The following PCDHGA9 variants were observed in gnomAD, a reference collection of about 807,000 sequenced individuals.
The protein encoded by PCDHGA9 is protocadherin gamma subfamily A, 9.
In PCDHGA9, 37 loss-of-function variants were observed where a neutral mutation model predicts 62.5. The ratio of observed to expected loss-of-function variants is 0.59; its 90% CI spans 0.46 to 0.78. PCDHGA9 has a LOEUF of 0.78. Among genes scored for constraint, PCDHGA9 ranks in the 30% least tolerant of loss-of-function variants. The pLI is 0.00. For missense variants in PCDHGA9, 1,138 were observed against 1,166.2 expected (o/e 0.98, Z 0.35); for synonymous variants, 459 against 484.6 (o/e 0.95, Z 0.69).
intron 1 of PCDHGA9, among the ~76,000 whole-genome samples, chr5:141,444,880 G>A (rs527554886): frequency 6.6e-6 from 1 of 152,150 alleles, no homozygotes; most frequent in Non-Finnish European, 1.5e-5. Context: ...AAGCTTGTAG[G>A]ATTTTTGAAT....
intron 1 of PCDHGA9, chr5:141,409,285 T>G (rs773096828): frequency 6.2e-7 from 1 of 1,613,966 alleles, no homozygotes; most frequent in South Asian, 1.1e-5. Context: ...AGAATTCACC[T>G]CCAGGAATGG....
At chr5:141,412,204 T>G (rs2095542280) in intron 1 of PCDHGA9, 1 of 152,240 alleles carries the variant, frequency 6.6e-6, no homozygotes, top group Admixed American at 6.5e-5. Context: ...ACAGGTCATT[T>G]GACATAAACA....
chr5:141,476,098 G>A lies in PCDHGA9; in HGVS notation c.2425-18709G>A, dbSNP rs1241353656. The A allele has an allele frequency of 4.5e-6, 7 of 1,573,026 alleles. No homozygotes were observed. Among genetic ancestry groups the A allele is most frequent in the Non-Finnish European group, 6.0e-6 (7 of 1,163,102 alleles). ...AGGGACGATCTGGACCCCGCTGAGA[G>A]GAACTGCTTTTGAGTGAGATGGTCC... On this transcript the variant is annotated intron_variant, in intron 1 of 3. Transcript: ENST00000573521. This position sits in a 1 kb window ranked among gnomAD's most constrained non-coding sequence, Gnocchi z 7.6.
At chr5:141,478,396 G>GT in intron 1 of PCDHGA9, 1 of 1,613,564 alleles carries the variant, frequency 6.2e-7, no homozygotes, top group Non-Finnish European at 8.5e-7. Flanking sequence ...ACCATCAGGT[G>GT]TATCTCACCA....
intron 1 of PCDHGA9, among the ~76,000 whole-genome samples, chr5:141,435,715 A>T (rs528951395): frequency 5.9e-5 from 9 of 152,210 alleles, no homozygotes; most frequent in Non-Finnish European, 1.0e-4. Context: ...ACAGACACTG[A>T]ATGCTAAAGT....
chr5:141,423,195 G>C, intron 1 of PCDHGA9: 14 of 1,613,544 alleles, frequency 8.7e-6, no homozygotes, highest in Non-Finnish European at 1.2e-5. Flanking sequence ...CCCCTCTCTC[G>C]GCCACCGTCA....
intron 1 of PCDHGA9, among the ~76,000 whole-genome samples, chr5:141,462,868 T>C (rs1232965498): frequency 6.6e-6 from 1 of 152,228 alleles, no homozygotes; most frequent in East Asian, 1.9e-4. Context: ...TTTGTCTTTC[T>C]TTAAGAACTA....
chr5:141,429,169 T>TACGC (rs2097190400), intron 1 of PCDHGA9: 1 of 145,394 alleles, frequency 6.9e-6, no homozygotes, highest in Non-Finnish European at 1.5e-5. Flanking sequence ...ACATTGTTTA[T>TACGC]ACACACACAC....
chr5:141,410,087 G>A (rs1427716409), intron 1 of PCDHGA9: 1 of 1,612,482 alleles, frequency 6.2e-7, no homozygotes, highest in African/African-American at 1.3e-5. Flanking sequence ...GGTGCGCACG[G>A]CTCGAGCCTT....
intron 1 of PCDHGA9, chr5:141,409,291 A>G: frequency 6.2e-7 from 1 of 1,614,000 alleles, no homozygotes; most frequent in Non-Finnish European, 8.5e-7. Context: ...CACCTCCAGG[A>G]ATGGTTGTTG....
At position 141,404,183 on chromosome 5, in the gene PCDHGA9, G is replaced by A; in HGVS notation, c.1231G>A (p.Asp411Asn). The A allele has an allele frequency of 1.2e-6, 2 of 1,613,154 alleles. No individual in the cohort carries two copies. Among genetic ancestry groups the A allele is most frequent in the South Asian group, 1.1e-5 (1 of 90,926 alleles). The change falls in exon 1 of 4, where the codon GAC becomes AAC. Residue 411 changes from aspartate (D) to asparagine (N), a missense_variant. Asp to Asn is a conservative substitution (Grantham distance 23). Coordinates refer to ENST00000573521, the MANE Select transcript of PCDHGA9 (RefSeq NM_018921.3). Reference sequence around the variant, plus strand: ...CAGATTGTTGACGGCCCAAATTCTTGACCGAGAAAAAGCCTCAGAATATAA... The same window carrying A: ...CAGATTGTTGACGGCCCAAATTCTTAACCGAGAAAAAGCCTCAGAATATAA... ...YYRLLTAQIL[D>N]REKASEYNIT... is the part of the protein sequence containing the mutation.
intron 1 of PCDHGA9, among the ~76,000 whole-genome samples, chr5:141,480,151 C>T (rs543997143): frequency 1.3e-5 from 2 of 152,162 alleles, no homozygotes; most frequent in African/African-American, 4.8e-5. Context: ...TTAGCCAGCT[C>T]CTAGCATTTT....
rs375080564 is a variant in PCDHGA9 at position 141,486,676 on chromosome 5, T to C, written c.2425-8131T>C. On this transcript the variant is annotated intron_variant, in intron 1 of 3. Transcript: ENST00000573521. The surrounding 1 kb of genome is among the most constrained non-coding windows in gnomAD (Gnocchi z 5.0). ...CACTCCTGGAGCCCAGGAATCGAGA[T>C]GTATCAGCTTCCTCTTTCATCTCTC... The C allele has an allele frequency of 6.2e-7, 1 of 1,614,120 alleles. No homozygotes were observed. The highest frequency in any genetic ancestry group is 1.7e-5 in the Admixed American group (1 of 60,032).
In PCDHGA9 at chr5:141,410,620, G is replaced by C. The variant is rs765125633; in HGVS notation, c.2424+5244G>C. ...CTTCACATCCTGAGACTCTGACTTC[G>C]GTGAGTTTCTCTTTTTTGTGTGTGA... On this transcript the variant is annotated intron_variant, in intron 1 of 3. Coordinates refer to ENST00000573521, the MANE Select transcript of PCDHGA9 (RefSeq NM_018921.3). The C allele has an allele frequency of 3.4e-5, 55 of 1,603,406 alleles. 1 individual carries two copies. The highest frequency in any genetic ancestry group is 2.8e-4 in the Admixed American group (17 of 59,744).
At chr5:141,437,561 C>G (rs1228292384) in intron 1 of PCDHGA9, among the ~76,000 whole-genome samples, 1 of 152,110 alleles carries the variant, frequency 6.6e-6, no homozygotes, top group Non-Finnish European at 1.5e-5. Context: ...TGACATGTAA[C>G]AGAGTATAGC....
chr5:141,402,971 T>C lies in PCDHGA9; in HGVS notation c.19T>C (p.Cys7Arg). 1.2e-6 allele frequency: 2 copies of C among 1,608,370 alleles called. No homozygotes were observed. ...GGCAGCAATGGCAGCTCCAACCAAA[T>C]GCCAGCTCCGCGGAAGATTAGTCCT... is the stretch of plus-strand genomic sequence containing the variant. MAAPTKCQLRGRLVLLC... is the reference protein window; with the variant it reads MAAPTKRQLRGRLVLLC... Residue 7 changes from cysteine to arginine, a missense_variant, in exon 1 of 4, where the codon TGC becomes CGC. By Grantham distance (180) the Cys-to-Arg change is radical. Coordinates refer to ENST00000573521, the MANE Select transcript of PCDHGA9 (RefSeq NM_018921.3).
At chr5:141,483,293 G>T (rs532959899) in intron 1 of PCDHGA9, among the ~76,000 whole-genome samples, 1 of 152,264 alleles carries the variant, frequency 6.6e-6, no homozygotes, top group Non-Finnish European at 1.5e-5. Flanking sequence ...TCAGTCATAA[G>T]TGAAGGGACT....
At chr5:141,418,549 C>A in intron 1 of PCDHGA9, 1 of 1,614,024 alleles carries the variant, frequency 6.2e-7, no homozygotes, top group Non-Finnish European at 8.5e-7. Context: ...AGATAAGAAT[C>A]CTGGTAATAG....
At chr5:141,427,529 G>A (rs1464520351) in intron 1 of PCDHGA9, 1 of 619,898 alleles carries the variant, frequency 1.6e-6, no homozygotes, top group African/African-American at 1.8e-5. Context: ...GGATCCCGGA[G>A]TACAACGTCA....
Sources: gnomAD v4.1 joint callset for allele counts (sites outside exome capture counted in the v4.1 genomes callset) on GRCh38, gnomAD v4.1.1 for gene constraint, Gnocchi (gnomAD v3.1) non-coding constraint, MANE v1.5 for transcripts, NCBI Gene and HGNC (gene_info 2026-07-23, HGNC 2026-07-21) for gene names.